The following CNTNAP2 variants were observed in gnomAD, a reference collection of about 807,000 sequenced individuals.
The protein encoded by CNTNAP2 is contactin associated protein 2.
A neutral mutation model predicts 155.2 loss-of-function variants in CNTNAP2; 98 were observed. That is an observed-to-expected ratio of 0.63 (90% confidence interval 0.54 to 0.75). The LOEUF is 0.75. Among genes scored for constraint, CNTNAP2 ranks in the 30% least tolerant of loss-of-function variants. CNTNAP2 has a pLI of 0.00. For synonymous variants in CNTNAP2, 651 were observed against 631.2 expected, an observed-to-expected ratio of 1.03 and a Z score of -0.47; for missense variants, 1,727 against 1,688.1, an observed-to-expected ratio of 1.02 and a Z score of -0.40.
At chr7:147,981,857 A>G (rs1287610226) in intron 15 of CNTNAP2, among the ~76,000 whole-genome samples, 4 of 148,160 alleles carry the variant, frequency 2.7e-5, no homozygotes, top group Non-Finnish European at 5.9e-5. Flanking sequence ...TGCAAAGCCT[A>G]TCCAAATGGA....
intron 1 of CNTNAP2, among the ~76,000 whole-genome samples, chr7:146,365,741 A>G (rs1467266057): frequency 6.6e-6 from 1 of 152,248 alleles, no homozygotes; most frequent in Non-Finnish European, 1.5e-5. Context: ...TCACGTGGTC[A>G]AATGAAATTC....
intron 8 of CNTNAP2, among the ~76,000 whole-genome samples, chr7:147,175,022 G>A (rs1802309591): frequency 6.6e-6 from 1 of 151,880 alleles, no homozygotes. Context: ...TTATTAATGG[G>A]GTAAATTTCA....
chr7:147,969,714 CTT>C (rs1054141746), intron 14 of CNTNAP2, among the ~76,000 whole-genome samples: 5 of 152,096 alleles, frequency 3.3e-5, no homozygotes, highest in African/African-American at 1.2e-4. Context: ...ATTCGCCATA[CTT>C]TTAAAAATAT....
At chr7:148,023,587 C>T (rs10952724) in intron 15 of CNTNAP2, among the ~76,000 whole-genome samples, 33,480 of 151,910 alleles carry the variant, frequency 0.22, 4,803 homozygotes, top group East Asian at 0.5. Context: ...AGGCAATAAA[C>T]GCTTCATTTC....
At chr7:146,819,554 C>T (rs1287696615) in intron 2 of CNTNAP2, among the ~76,000 whole-genome samples, 2 of 152,220 alleles carry the variant, frequency 1.3e-5, no homozygotes, top group African/African-American at 4.8e-5. Context: ...ACTTCTTTCA[C>T]TAGATCATCC....
chr7:146,643,432 T>C (rs1194268431), intron 1 of CNTNAP2, among the ~76,000 whole-genome samples: 15 of 152,182 alleles, frequency 9.9e-5, no homozygotes, highest in African/African-American at 2.2e-4. Context: ...TTCCCCATTG[T>C]TTGTTTTTCT....
chr7:147,461,190 A>G (rs951716828), intron 10 of CNTNAP2, among the ~76,000 whole-genome samples: 3 of 152,222 alleles, frequency 2.0e-5, no homozygotes, highest in Admixed American at 6.5e-5. Context: ...ACTAACATAA[A>G]TAAATAAATA....
At chr7:146,767,000 C>T (rs370270950) in intron 1 of CNTNAP2, among the ~76,000 whole-genome samples, 10 of 152,168 alleles carry the variant, frequency 6.6e-5, no homozygotes, top group African/African-American at 1.9e-4. Context: ...TAGCAATTTT[C>T]GCTGTGTGTC....
intron 15 of CNTNAP2, among the ~76,000 whole-genome samples, chr7:148,090,148 G>A (rs761045551): frequency 4.6e-5 from 7 of 151,948 alleles, no homozygotes; most frequent in Admixed American, 6.6e-5. Flanking sequence ...AAACTGTAAA[G>A]CTACTAGAAC....
rs988879699 is a variant in CNTNAP2, at chr7:147,545,285, A to C, written c.1778-16853A>C. Among the ~76,000 whole-genome samples, 30 of 152,132 alleles carry C rather than the reference A, an allele frequency of 2.0e-4. 1 individual carries two copies. Among genetic ancestry groups the C allele is most frequent in the African/African-American group, 6.3e-4 (26 of 41,428 alleles). ...ATTTGTCTACTGAAACCAGAACTTT[A>C]GTGATGTTTACTTTCAGCATTTTGG... On this transcript the variant is annotated intron_variant, in intron 11 of 23. Coordinates refer to ENST00000361727, the MANE Select transcript of CNTNAP2 (RefSeq NM_014141.6).
intron 13 of CNTNAP2, among the ~76,000 whole-genome samples, chr7:147,800,763 T>C (rs1176276108): frequency 6.6e-6 from 1 of 152,244 alleles, no homozygotes; most frequent in Non-Finnish European, 1.5e-5. Context: ...TGTTTCATAA[T>C]GATGGACCAA....
In CNTNAP2 at chr7:146,244,378, A is replaced by AT. The variant is rs1466365706; in HGVS notation, c.97+127405_97+127406insT. On this transcript the variant is annotated intron_variant, in intron 1 of 23. Coordinates refer to ENST00000361727, the MANE Select transcript of CNTNAP2 (RefSeq NM_014141.6). ...GGAGTATGACTAGACACAAGATAGTAGGAATGACAAGTTTTTTGGGGGCAC... is the reference window on the plus strand; with the variant it reads ...GGAGTATGACTAGACACAAGATAGTATGGAATGACAAGTTTTTTGGGGGCAC... Among the ~76,000 whole-genome samples, 1,237 of 152,288 alleles carry AT rather than the reference A, an allele frequency of 8.1e-3. 18 individuals are homozygous for AT. The highest frequency in any genetic ancestry group is 0.028 in the African/African-American group (1,180 of 41,562).
chr7:147,577,670 A>T (rs1800420413), intron 12 of CNTNAP2, among the ~76,000 whole-genome samples: 2 of 151,786 alleles, frequency 1.3e-5, no homozygotes, highest in South Asian at 4.1e-4. Context: ...GTTTCATAAC[A>T]AGTTTTTTTT....
At chr7:146,172,809 G>T (rs568161024) in intron 1 of CNTNAP2, among the ~76,000 whole-genome samples, 1 of 152,204 alleles carries the variant, frequency 6.6e-6, no homozygotes, top group East Asian at 1.9e-4. Flanking sequence ...AACGCATTTT[G>T]TTTGGAATAC....
intron 1 of CNTNAP2, among the ~76,000 whole-genome samples, chr7:146,659,264 A>G (rs1800044700): frequency 1.3e-5 from 2 of 152,218 alleles, no homozygotes; most frequent in African/African-American, 4.8e-5. Context: ...AGGTCTAGGC[A>G]GGATATATAG....
chr7:147,081,764 A>T (rs1223801693), intron 4 of CNTNAP2: 1 of 152,318 alleles, frequency 6.6e-6, no homozygotes, highest in Admixed American at 6.5e-5. Context: ...AGATTCATTA[A>T]TCTTAAAGGC....
intron 11 of CNTNAP2, among the ~76,000 whole-genome samples, chr7:147,526,397 G>A (rs925846997): frequency 6.6e-6 from 1 of 152,048 alleles, no homozygotes; most frequent in African/African-American, 2.4e-5. Context: ...TATTCTCCTA[G>A]TCTATGGAAA....
intron 3 of CNTNAP2, among the ~76,000 whole-genome samples, chr7:146,988,782 T>C (rs1434830411): frequency 6.6e-6 from 1 of 152,192 alleles, no homozygotes; most frequent in Non-Finnish European, 1.5e-5. Flanking sequence ...TTAGGCTATT[T>C]GGATTTCCTC....
chr7:146,422,355 A>G (rs1013270803), intron 1 of CNTNAP2, among the ~76,000 whole-genome samples: 1 of 149,490 alleles, frequency 6.7e-6, no homozygotes, highest in African/African-American at 2.5e-5. Flanking sequence ...ATGTGTATAT[A>G]TATGTATATA....
Sources: allele counts gnomAD v4.1 joint callset (sites outside exome capture counted in the v4.1 genomes callset), GRCh38; gene constraint gnomAD v4.1.1; transcripts MANE v1.5; gene names NCBI Gene and HGNC (gene_info 2026-07-23, HGNC 2026-07-21).